OSBPL11: variants seen among roughly 807,000 people sequenced by gnomAD.
OSBPL11 encodes the protein oxysterol binding protein like 11, also known as oxysterol-binding protein-related protein 11.
In OSBPL11, 33 loss-of-function variants were observed where a neutral mutation model predicts 84.4. The observed-to-expected ratio is 0.39, with a 90% CI of 0.30 to 0.52. OSBPL11 has a LOEUF of 0.52. Ranked by LOEUF, OSBPL11 falls within the 20% of genes least tolerant of loss-of-function variation. The pLI is 0.72. For missense variants in OSBPL11, 736 were observed against 901.1 expected (o/e 0.82, Z 2.35); for synonymous variants, 276 against 310.2 (o/e 0.89, Z 1.16).
intron 10 of OSBPL11, among the ~76,000 whole-genome samples, chr3:125,542,801 C>T (rs149521956): frequency 0.067 from 10,198 of 152,148 alleles, 456 homozygotes; most frequent in Non-Finnish European, 0.098. Context: ...TGAGCCACCA[C>T]GCCCAGCCTA....
intron 8 of OSBPL11, among the ~76,000 whole-genome samples, chr3:125,555,068 C>A (rs1935971746): frequency 6.6e-6 from 1 of 152,212 alleles, no homozygotes; most frequent in Admixed American, 6.5e-5. Context: ...GACCTACCCT[C>A]AATCTGTGTG....
intron 5 of OSBPL11, among the ~76,000 whole-genome samples, chr3:125,574,233 G>C (rs1936284384): frequency 6.6e-6 from 1 of 150,796 alleles, no homozygotes; most frequent in Admixed American, 6.6e-5. Context: ...AAACCCACTA[G>C]TGGTCACTGT....
intron 10 of OSBPL11, among the ~76,000 whole-genome samples, chr3:125,546,178 T>TG (rs1367208073): frequency 3.5e-4 from 34 of 98,488 alleles, no homozygotes; most frequent in African/African-American, 6.7e-4. Flanking sequence ...TGTGTGTGTG[T>TG]TTTTTTTTTT....
intron 4 of OSBPL11, among the ~76,000 whole-genome samples, chr3:125,577,400 G>A (rs1049842326): frequency 2.0e-5 from 3 of 152,080 alleles, no homozygotes; most frequent in African/African-American, 4.8e-5. Context: ...ATAAGCACAC[G>A]AAAAGGTGCT....
At chr3:125,545,887 G>A (rs1342420402) in intron 10 of OSBPL11, among the ~76,000 whole-genome samples, 2 of 152,032 alleles carry the variant, frequency 1.3e-5, no homozygotes, top group Non-Finnish European at 2.9e-5. Flanking sequence ...ACTGCAGAGA[G>A]CAGTTAAAAA....
intron 10 of OSBPL11, among the ~76,000 whole-genome samples, chr3:125,545,666 T>C (rs1935801606): frequency 6.6e-6 from 1 of 151,954 alleles, no homozygotes. Flanking sequence ...TCCTAAAATC[T>C]TTATGATATT....
intron 7 of OSBPL11, among the ~76,000 whole-genome samples, chr3:125,562,231 C>G (rs34494344): frequency 1.3e-5 from 2 of 152,144 alleles, no homozygotes; most frequent in Non-Finnish European, 2.9e-5. Flanking sequence ...ATATTATCAT[C>G]TCATTTTAGT....
intron 11 of OSBPL11, among the ~76,000 whole-genome samples, chr3:125,533,901 T>C (rs1012953622): frequency 6.6e-6 from 1 of 152,236 alleles, no homozygotes; most frequent in Non-Finnish European, 1.5e-5. Context: ...AGAAAAATAC[T>C]GTCAACTCAT....
intron 2 of OSBPL11, among the ~76,000 whole-genome samples, chr3:125,582,350 T>A (rs1270394990): frequency 2.0e-5 from 3 of 151,190 alleles, no homozygotes; most frequent in South Asian, 2.1e-4. Flanking sequence ...AAAAAAAAAA[T>A]TCATGTTTGG....
At chr3:125,532,380 T>C (rs1935571040) in intron 11 of OSBPL11, among the ~76,000 whole-genome samples, 1 of 152,094 alleles carries the variant, frequency 6.6e-6, no homozygotes, top group Admixed American at 6.6e-5. Flanking sequence ...AACACATTTA[T>C]TTTCCTGCCT....
chr3:125,577,726 G>A (rs1027252372), intron 4 of OSBPL11, among the ~76,000 whole-genome samples: 4 of 152,110 alleles, frequency 2.6e-5, no homozygotes. Flanking sequence ...CTACTTGGGA[G>A]GCTGTGGCAG....
chr3:125,586,516 CTTT>C (rs554411650), intron 1 of OSBPL11, among the ~76,000 whole-genome samples: 2 of 143,464 alleles, frequency 1.4e-5, no homozygotes, highest in Admixed American at 7.0e-5. Context: ...ATACATATTT[CTTT>C]TTTTTTTTTT....
Position 125,540,760 on chromosome 3 carries a change from C to T in OSBPL11, c.1842-2127G>A, listed in dbSNP as rs547596481. 7.9e-5 allele frequency among the ~76,000 whole-genome samples: 12 copies of T among 152,284 alleles called. No individual in the cohort carries two copies. In the East Asian group the frequency reaches 2.3e-3, roughly 29 times the overall value. On this transcript the variant is annotated intron_variant, in intron 10 of 12. Transcript: ENST00000296220. ...GGCTTTCCAATGGACAATCTTAGGGCCCTGCTCATGACTGCTGGGTATTAC... is the reference window on the plus strand; with the variant it reads ...GGCTTTCCAATGGACAATCTTAGGGTCCTGCTCATGACTGCTGGGTATTAC...
intron 10 of OSBPL11, among the ~76,000 whole-genome samples, chr3:125,539,342 T>G (rs940066822): frequency 9.4e-6 from 1 of 105,926 alleles, no homozygotes; most frequent in Non-Finnish European, 2.0e-5. Context: ...TATATATATA[T>G]ATAATAGCTA....
intron 10 of OSBPL11, among the ~76,000 whole-genome samples, chr3:125,541,668 C>T (rs951145063): frequency 3.2e-4 from 49 of 152,132 alleles, no homozygotes; most frequent in African/African-American, 1.1e-3. Flanking sequence ...GCCTTGACCA[C>T]TTAGGATCAA....
At chr3:125,569,048 G>GAGGCTCTC (rs1483734300) in intron 5 of OSBPL11, among the ~76,000 whole-genome samples, 1 of 151,950 alleles carries the variant, frequency 6.6e-6, no homozygotes, top group African/African-American at 2.4e-5. Context: ...CCCAGGCTCT[G>GAGGCTCTC]AGGCTCTCAC....
chr3:125,560,769 T>G (rs1045860792), intron 7 of OSBPL11, among the ~76,000 whole-genome samples: 1 of 152,140 alleles, frequency 6.6e-6, no homozygotes, highest in Non-Finnish European at 1.5e-5. Context: ...TTTTCTTTTT[T>G]GGGGGGAAAA....
intron 1 of OSBPL11, among the ~76,000 whole-genome samples, chr3:125,590,249 A>C (rs1936576386): frequency 6.6e-6 from 1 of 152,180 alleles, no homozygotes; most frequent in African/African-American, 2.4e-5. Flanking sequence ...TTAAGTTCTT[A>C]AGTTTAATTT....
intron 11 of OSBPL11, among the ~76,000 whole-genome samples, chr3:125,537,151 C>A (rs1481045725): frequency 7.3e-6 from 1 of 137,014 alleles, no homozygotes; most frequent in African/African-American, 2.9e-5. Context: ...CAGGGTGAGA[C>A]CCTGTCTCAA....
Sources: gnomAD v4.1 joint callset for allele counts (sites outside exome capture counted in the v4.1 genomes callset) on GRCh38, gnomAD v4.1.1 for gene constraint, MANE v1.5 for transcripts, NCBI Gene and HGNC (gene_info 2026-07-23, HGNC 2026-07-21) for gene names.